Variants in STAU2 observed in about 807,000 individuals in gnomAD.
The protein encoded by STAU2 is double-stranded RNA-binding protein Staufen homolog 2.
In STAU2, 20 loss-of-function variants were observed where a neutral mutation model predicts 65.9. That is an observed-to-expected ratio of 0.30 (90% CI 0.21 to 0.44). The LOEUF (loss-of-function observed/expected upper bound fraction) is 0.44. STAU2 is among the 20% of genes least tolerant of loss of function. STAU2 has a pLI of 1.00. For synonymous variants in STAU2, 232 were observed against 233.9 expected (o/e 0.99, Z 0.07); for missense variants, 558 against 683.9 (o/e 0.82, Z 2.05).
At chr8:73,554,777 G>T (rs1252813603) in intron 12 of STAU2, among the ~76,000 whole-genome samples, 1 of 152,174 alleles carries the variant, frequency 6.6e-6, no homozygotes, top group Non-Finnish European at 1.5e-5. Flanking sequence ...CAGTTTATCA[G>T]TTACACTATA....
intron 13 of STAU2, among the ~76,000 whole-genome samples, chr8:73,505,853 C>G (rs1300579086): frequency 1.3e-5 from 2 of 152,072 alleles, no homozygotes; most frequent in African/African-American, 4.8e-5. Flanking sequence ...GCAGATACCT[C>G]ATGAACGGTG....
chr8:73,726,871 T>C (rs537964849), intron 3 of STAU2, among the ~76,000 whole-genome samples: 32 of 152,336 alleles, frequency 2.1e-4, no homozygotes, highest in East Asian at 1.3e-3. Flanking sequence ...ATTTTCATTC[T>C]TCTTTGTAAG....
At chr8:73,633,128 G>T (rs1392728649) in intron 6 of STAU2, among the ~76,000 whole-genome samples, 1 of 152,146 alleles carries the variant, frequency 6.6e-6, no homozygotes, top group Non-Finnish European at 1.5e-5. Flanking sequence ...TGAAGGAGAG[G>T]TTATAGCTAA....
chr8:73,690,996 GAT>G (rs1819288952), intron 4 of STAU2, among the ~76,000 whole-genome samples: 1 of 152,054 alleles, frequency 6.6e-6, no homozygotes, highest in Non-Finnish European at 1.5e-5. Flanking sequence ...GGTTTCACAT[GAT>G]ATATATAATA....
intron 3 of STAU2, among the ~76,000 whole-genome samples, chr8:73,737,249 C>A (rs1173600925): frequency 6.6e-6 from 1 of 151,958 alleles, no homozygotes; most frequent in Non-Finnish European, 1.5e-5. Flanking sequence ...TGGCTCACCG[C>A]AACCTCCGCC....
intron 11 of STAU2, among the ~76,000 whole-genome samples, chr8:73,583,233 A>G (rs73328766): frequency 0.18 from 27,488 of 149,496 alleles, 2,742 homozygotes; most frequent in African/African-American, 0.27. Context: ...CGCAACCTCC[A>G]CCTCCTAGAT....
At chr8:73,539,728 A>G (rs1806406795) in intron 13 of STAU2, among the ~76,000 whole-genome samples, 1 of 152,016 alleles carries the variant, frequency 6.6e-6, no homozygotes, top group Non-Finnish European at 1.5e-5. Context: ...CTGTAGTCCC[A>G]GCTATTCAGG....
chr8:73,649,335 A>C (rs1207235091), intron 6 of STAU2, among the ~76,000 whole-genome samples: 1 of 152,126 alleles, frequency 6.6e-6, no homozygotes, highest in Admixed American at 6.5e-5. Context: ...TTACCATTTA[A>C]GTAAAGACTT....
intron 13 of STAU2, among the ~76,000 whole-genome samples, chr8:73,448,543 A>G (rs1818607028): frequency 6.6e-6 from 1 of 151,992 alleles, no homozygotes; most frequent in Non-Finnish European, 1.5e-5. Context: ...TCGGCCTCCC[A>G]AAGTGCTAGG....
intron 1 of STAU2, among the ~76,000 whole-genome samples, chr8:73,742,807 T>A (rs1586397940): frequency 6.6e-6 from 1 of 152,280 alleles, no homozygotes; most frequent in Middle Eastern, 3.4e-3. Flanking sequence ...AGTCGTACTT[T>A]AATTATGAAT....
intron 5 of STAU2, among the ~76,000 whole-genome samples, chr8:73,679,771 C>T (rs1818271854): frequency 6.6e-6 from 1 of 151,300 alleles, no homozygotes; most frequent in African/African-American, 2.4e-5. Flanking sequence ...ACCTGTAATC[C>T]CAGCTACTTG....
intron 9 of STAU2, among the ~76,000 whole-genome samples, chr8:73,605,247 C>T (rs955830794): frequency 6.6e-6 from 1 of 150,526 alleles, no homozygotes; most frequent in Non-Finnish European, 1.5e-5. Context: ...TCATGTTCAT[C>T]GATCAGAAGA....
intron 4 of STAU2, among the ~76,000 whole-genome samples, chr8:73,700,476 C>A (rs1820021041): frequency 6.6e-6 from 1 of 151,996 alleles, no homozygotes; most frequent in Non-Finnish European, 1.5e-5. Context: ...AGTAAAGTTG[C>A]AGGATACAAA....
At chr8:73,538,944 G>A (rs1806352497) in intron 13 of STAU2, among the ~76,000 whole-genome samples, 1 of 152,062 alleles carries the variant, frequency 6.6e-6, no homozygotes, top group African/African-American at 2.4e-5. Flanking sequence ...AATGAAAAAA[G>A]TTTGCACTAA....
intron 6 of STAU2, among the ~76,000 whole-genome samples, chr8:73,654,649 A>AAAAAAAAAAAAAAAAAAAAAAAAAAAC (rs1816171871): frequency 7.1e-6 from 1 of 140,122 alleles, no homozygotes; most frequent in Non-Finnish European, 1.6e-5. Context: ...AAAAAAAAAA[A>AAAAAAAAAAAAAAAAAAAAAAAAAAAC]AAAAAAAAAA....
At chr8:73,725,519 A>G (rs1805560858) in intron 3 of STAU2, among the ~76,000 whole-genome samples, 1 of 152,236 alleles carries the variant, frequency 6.6e-6, no homozygotes, top group Non-Finnish European at 1.5e-5. Flanking sequence ...AAAATGGGCC[A>G]GGCATGGTGG....
chr8:73,479,464 C>A, intron 13 of STAU2, among the ~76,000 whole-genome samples: 1 of 61,128 alleles, frequency 1.6e-5, no homozygotes, highest in Admixed American at 1.9e-4. Context: ...CTGCTTTCTC[C>A]CTATTCTGCA....
chr8:73,514,354 T>C (rs1350541644), intron 13 of STAU2, among the ~76,000 whole-genome samples: 1 of 152,174 alleles, frequency 6.6e-6, no homozygotes, highest in African/African-American at 2.4e-5. Flanking sequence ...GACACCAGCA[T>C]AATCACATCC....
intron 3 of STAU2, among the ~76,000 whole-genome samples, chr8:73,724,089 T>G (rs1034660325): frequency 6.6e-6 from 1 of 152,204 alleles, no homozygotes; most frequent in African/African-American, 2.4e-5. Flanking sequence ...GTTTCTACTC[T>G]CTATGTCACA....
Sources: allele counts gnomAD v4.1 joint callset (sites outside exome capture counted in the v4.1 genomes callset), GRCh38; gene constraint gnomAD v4.1.1; transcripts MANE v1.5; gene names NCBI Gene and HGNC (gene_info 2026-07-23, HGNC 2026-07-21).